The following GPHN variants were observed in gnomAD, a reference collection of about 807,000 sequenced individuals.
GPHN encodes the protein gephyrin.
In GPHN, 17 loss-of-function variants were observed where a neutral mutation model predicts 95.5. The ratio of observed to expected loss-of-function variants is 0.18; its 90% CI spans 0.12 to 0.27. The LOEUF (loss-of-function observed/expected upper bound fraction) is 0.27. GPHN is among the 10% of genes least tolerant of loss of function. The probability of loss-of-function intolerance (pLI) is 1.00; values close to 1 mark genes in which losing one functional copy is unlikely to be tolerated. For synonymous variants in GPHN, 320 were observed against 322.5 expected, an observed-to-expected ratio of 0.99 and a Z score of 0.08; for missense variants, 660 against 978.1, an observed-to-expected ratio of 0.67 and a Z score of 4.34.
intron 1 of GPHN, among the ~76,000 whole-genome samples, chr14:66,544,955 C>T (rs1391629298): frequency 1.3e-5 from 2 of 152,182 alleles, no homozygotes; most frequent in Non-Finnish European, 2.9e-5. Flanking sequence ...TTTCTTAGTA[C>T]AGAACAAAAT....
chr14:67,174,372 T>C (rs1440237447), intron 21 of GPHN, among the ~76,000 whole-genome samples: 2 of 152,126 alleles, frequency 1.3e-5, no homozygotes, highest in Non-Finnish European at 2.9e-5. Context: ...AGAATGATGG[T>C]TTCCAGCTTA....
chr14:67,518,538 C>T, the GPHN span, among the ~76,000 whole-genome samples: 1 of 152,222 alleles, frequency 6.6e-6, no homozygotes, highest in Non-Finnish European at 1.5e-5. Flanking sequence ...CTCTTCACAT[C>T]TCTCTTCCAC....
the GPHN span, among the ~76,000 whole-genome samples, chr14:67,672,919 G>C: frequency 6.6e-6 from 1 of 152,118 alleles, no homozygotes; most frequent in Admixed American, 6.5e-5. Context: ...CAAACACATG[G>C]AACTTCCTGC....
the GPHN span, among the ~76,000 whole-genome samples, chr14:67,644,941 T>C: frequency 6.7e-6 from 1 of 150,176 alleles, no homozygotes; most frequent in Non-Finnish European, 1.5e-5. Context: ...GACGTTGTAG[T>C]GAGCTGAGAT....
the GPHN span, among the ~76,000 whole-genome samples, chr14:67,680,476 GT>G: frequency 6.6e-6 from 1 of 151,900 alleles, no homozygotes; most frequent in African/African-American, 2.4e-5. Context: ...CTTTCTGGTT[GT>G]TTTTTTTAGA....
At chr14:67,301,511 C>A in the GPHN span, 1 of 1,418,476 alleles carries the variant, frequency 7.0e-7, no homozygotes, top group South Asian at 1.3e-5. Context: ...TTCCAGCATT[C>A]TTCTATTTTT....
At chr14:67,623,426 T>C in the GPHN span, among the ~76,000 whole-genome samples, 1 of 152,190 alleles carries the variant, frequency 6.6e-6, no homozygotes, top group African/African-American at 2.4e-5. Context: ...TACCATAGCA[T>C]GAGTTAAATT....
chr14:66,865,337 CAG>C (rs771792580), intron 4 of GPHN, among the ~76,000 whole-genome samples: 1 of 152,048 alleles, frequency 6.6e-6, no homozygotes, highest in African/African-American at 2.4e-5. Context: ...ATGCCTTTAT[CAG>C]AGTGTCTCAT....
the GPHN span, among the ~76,000 whole-genome samples, chr14:67,547,562 C>T: frequency 2.0e-5 from 3 of 152,166 alleles, no homozygotes; most frequent in Non-Finnish European, 2.9e-5. Context: ...CACCCATCTG[C>T]TCCCCTACCT....
chr14:66,649,374 C>T (rs550094919), intron 1 of GPHN, among the ~76,000 whole-genome samples: 5 of 152,030 alleles, frequency 3.3e-5, no homozygotes, highest in South Asian at 2.1e-4. Context: ...CCCCGACCCC[C>T]GGACCATGGA....
At chr14:67,561,810 C>A in the GPHN span, 5 of 647,080 alleles carry the variant, frequency 7.7e-6, no homozygotes, top group African/African-American at 7.5e-5. Context: ...GTCAAGGCTG[C>A]AGTGAGCCAA....
At chr14:67,510,198 G>A in the GPHN span, among the ~76,000 whole-genome samples, 8 of 152,140 alleles carry the variant, frequency 5.3e-5, no homozygotes, top group Admixed American at 3.9e-4. Context: ...ATATGTAAAT[G>A]CTTAGCCTAA....
At chr14:66,998,530 T>C (rs1166114109) in intron 9 of GPHN, among the ~76,000 whole-genome samples, 1 of 152,176 alleles carries the variant, frequency 6.6e-6, no homozygotes, top group Admixed American at 6.6e-5. Context: ...CAATTTTTCA[T>C]TTGGAAACCT....
the GPHN span, chr14:67,674,273 A>G: frequency 9.0e-7 from 1 of 1,105,890 alleles, no homozygotes; most frequent in Non-Finnish European, 1.2e-6. Flanking sequence ...GAGGACGCGG[A>G]GGGAGGAGAC....
At chr14:67,609,044 G>A in the GPHN span, among the ~76,000 whole-genome samples, 1 of 152,156 alleles carries the variant, frequency 6.6e-6, no homozygotes, top group African/African-American at 2.4e-5. Flanking sequence ...CCTGACTTGA[G>A]ACATCAATTG....
intron 4 of GPHN, among the ~76,000 whole-genome samples, 170 bp downstream of exon 4, chr14:66,824,736 G>C (rs1596031964): frequency 6.6e-6 from 1 of 152,060 alleles, no homozygotes; most frequent in East Asian, 1.9e-4. Flanking sequence ...AATGTTTCCT[G>C]ACTTTTTTTC....
At chr14:66,660,698 G>A (rs1310809909) in intron 1 of GPHN, among the ~76,000 whole-genome samples, 1 of 152,136 alleles carries the variant, frequency 6.6e-6, no homozygotes, top group Non-Finnish European at 1.5e-5. Flanking sequence ...GGAACGAAAG[G>A]GACGAGTAAA....
chr14:67,553,740 C>G, the GPHN span, among the ~76,000 whole-genome samples: 1 of 152,170 alleles, frequency 6.6e-6, no homozygotes, highest in African/African-American at 2.4e-5. Context: ...TGTTATCTGC[C>G]CCGTGGCTGC....
intron 9 of GPHN, among the ~76,000 whole-genome samples, chr14:67,011,059 CT>C (rs1031857129): frequency 6.6e-6 from 1 of 151,644 alleles, no homozygotes; most frequent in Admixed American, 6.6e-5. Context: ...AAATTAGTTT[CT>C]TTTTTTTATA....
Sources: gnomAD v4.1 joint callset for allele counts (sites outside exome capture counted in the v4.1 genomes callset) on GRCh38, gnomAD v4.1.1 for gene constraint, MANE v1.5 for transcripts, NCBI Gene and HGNC (gene_info 2026-07-23, HGNC 2026-07-21) for gene names.